The following SH3GL2 variants were observed in gnomAD, a reference collection of about 807,000 sequenced individuals.
SH3GL2 encodes the protein endophilin-A1.
SH3GL2 carries 24 observed loss-of-function variants against 46.0 expected under a neutral mutation model. The observed-to-expected ratio is 0.52, with a 90% CI of 0.38 to 0.73. The LOEUF (loss-of-function observed/expected upper bound fraction) is 0.73, where lower values mean the gene tolerates loss of function less well. Among genes scored for constraint, SH3GL2 ranks in the 30% least tolerant of loss-of-function variants. The pLI, the probability that SH3GL2 is intolerant of heterozygous loss-of-function variation, is 0.00. For synonymous variants in SH3GL2, 196 were observed against 147.1 expected (o/e 1.33, Z -2.40); for missense variants, 413 against 424.2 (o/e 0.97, Z 0.23).
At chr9:17,741,985 A>T (rs1822540551) in intron 1 of SH3GL2, among the ~76,000 whole-genome samples, 1 of 152,168 alleles carries the variant, frequency 6.6e-6, no homozygotes, top group South Asian at 2.1e-4. Flanking sequence ...TTTCAGGTAC[A>T]AAGCAAAGGG....
At chr9:17,716,589 T>C (rs1411243468) in intron 1 of SH3GL2, among the ~76,000 whole-genome samples, 3 of 152,162 alleles carry the variant, frequency 2.0e-5, no homozygotes, top group Non-Finnish European at 2.9e-5. Flanking sequence ...TTTGGATGGT[T>C]CTTTTCTCAG....
At chr9:17,615,629 C>T (rs1463674210) in intron 1 of SH3GL2, among the ~76,000 whole-genome samples, 121 of 134,058 alleles carry the variant, frequency 9.0e-4, no homozygotes, top group African/African-American at 3.2e-3. Context: ...CACTCCAGCC[C>T]GGGTGACCGA....
chr9:17,641,646 T>G (rs1457127328), intron 1 of SH3GL2, among the ~76,000 whole-genome samples: 2 of 152,170 alleles, frequency 1.3e-5, no homozygotes, highest in African/African-American at 4.8e-5. Context: ...TGTGTCCATG[T>G]GTTCTCATTG....
intron 1 of SH3GL2, among the ~76,000 whole-genome samples, chr9:17,666,205 T>G (rs1328681963): frequency 6.6e-6 from 1 of 151,900 alleles, no homozygotes; most frequent in African/African-American, 2.4e-5. Context: ...GATAGTTCCT[T>G]TTTTCCTCTC....
intron 1 of SH3GL2, among the ~76,000 whole-genome samples, chr9:17,608,600 C>T (rs1457647709): frequency 6.6e-6 from 1 of 152,172 alleles, no homozygotes; most frequent in East Asian, 1.9e-4. Flanking sequence ...TATTTTTAAG[C>T]TGCTTTGACA....
chr9:17,696,971 C>T (rs1248334396), intron 1 of SH3GL2, among the ~76,000 whole-genome samples: 5 of 151,962 alleles, frequency 3.3e-5, no homozygotes, highest in African/African-American at 1.2e-4. Context: ...GCCTCATTGC[C>T]TCTTAGAAAT....
intron 1 of SH3GL2, among the ~76,000 whole-genome samples, chr9:17,706,530 G>A (rs1234554126): frequency 2.6e-5 from 4 of 151,848 alleles, no homozygotes; most frequent in Non-Finnish European, 5.9e-5. Flanking sequence ...ATCTTTTCTT[G>A]CCATGGTAAA....
chr9:17,714,836 T>C (rs1821712190), intron 1 of SH3GL2, among the ~76,000 whole-genome samples: 1 of 151,900 alleles, frequency 6.6e-6, no homozygotes, highest in Non-Finnish European at 1.5e-5. Flanking sequence ...ATTTCTCATG[T>C]AGATCCAGAT....
At chr9:17,664,677 A>G (rs1820299479) in intron 1 of SH3GL2, among the ~76,000 whole-genome samples, 1 of 151,434 alleles carries the variant, frequency 6.6e-6, no homozygotes, top group East Asian at 1.9e-4. Flanking sequence ...TAATATATAG[A>G]AGTATATAGA....
intron 1 of SH3GL2, among the ~76,000 whole-genome samples, chr9:17,587,877 A>G (rs1242025781): frequency 6.6e-6 from 1 of 151,280 alleles, no homozygotes; most frequent in Non-Finnish European, 1.5e-5. Context: ...AGAGCAAGTC[A>G]CTGTCTCAAA....
At chr9:17,599,205 T>C (rs75080522) in intron 1 of SH3GL2, among the ~76,000 whole-genome samples, 1 of 152,196 alleles carries the variant, frequency 6.6e-6, no homozygotes, top group Non-Finnish European at 1.5e-5. Context: ...ATGGTTTCTT[T>C]TGAAATGGGG....
At chr9:17,634,819 A>G (rs1208906091) in intron 1 of SH3GL2, among the ~76,000 whole-genome samples, 1 of 152,172 alleles carries the variant, frequency 6.6e-6, no homozygotes, top group East Asian at 1.9e-4. Context: ...GAACCACACA[A>G]TACACACATG....
In SH3GL2 at chr9:17,617,371, C is replaced by G. The variant is rs138312140; in HGVS notation, c.45+38084C>G. Among the ~76,000 whole-genome samples, 676 of 152,242 alleles carry G rather than the reference C, an allele frequency of 4.4e-3. 1 individual carries two copies. The highest frequency in any genetic ancestry group is 6.0e-3 in the Non-Finnish European group (408 of 68,018). ...GGAATTAGATCTCTATCATTGTTTC[C>G]CAGTGCTCCTTGGAACCCTCCTCAG... On this transcript the variant is annotated intron_variant, in intron 1 of 8. Transcript: ENST00000380607.
rs528416460 is a variant in SH3GL2 at position 17,724,782 on chromosome 9, C to G, written c.46-22284C>G. The stretch of plus-strand genomic sequence containing the variant: ...TTATTTGAAGAATATTTTTCTCACT[C>G]TGTGTGGCCCCTGATGTCCCTGCTC... On this transcript the variant is annotated intron_variant, in intron 1 of 8. Transcript: ENST00000380607. Among the ~76,000 whole-genome samples, 11 of 152,282 alleles carry G rather than the reference C, an allele frequency of 7.2e-5. No individual in the cohort carries two copies. The South Asian group carries it at 2.1e-3, about 29-fold the overall frequency.
At chr9:17,666,953 A>G (rs1820360052) in intron 1 of SH3GL2, among the ~76,000 whole-genome samples, 1 of 152,130 alleles carries the variant, frequency 6.6e-6, no homozygotes, top group Non-Finnish European at 1.5e-5. Flanking sequence ...TGCTGATCTG[A>G]AACATGAGAA....
intron 1 of SH3GL2, among the ~76,000 whole-genome samples, chr9:17,631,397 C>A (rs1819418249): frequency 6.6e-6 from 1 of 152,204 alleles, no homozygotes; most frequent in Non-Finnish European, 1.5e-5. Context: ...ATTTGGTGAA[C>A]CTTGGCCATT....
chr9:17,627,348 C>T (rs1819306587), intron 1 of SH3GL2, among the ~76,000 whole-genome samples: 1 of 152,074 alleles, frequency 6.6e-6, no homozygotes, highest in African/African-American at 2.4e-5. Context: ...GGAATAATGG[C>T]AGAGCTCTCA....
chr9:17,739,455 A>G (rs973915508), intron 1 of SH3GL2, among the ~76,000 whole-genome samples: 9 of 152,076 alleles, frequency 5.9e-5, no homozygotes, highest in South Asian at 2.1e-4. Context: ...TGTAACTTCA[A>G]TGGCTTATTG....
At chr9:17,684,768 G>C (rs1820861672) in intron 1 of SH3GL2, among the ~76,000 whole-genome samples, 2 of 152,124 alleles carry the variant, frequency 1.3e-5, no homozygotes, top group East Asian at 3.9e-4. Flanking sequence ...CTTCTCATCA[G>C]AATTAGGTAA....
Sources: gnomAD v4.1 joint callset for allele counts (sites outside exome capture counted in the v4.1 genomes callset) on GRCh38, gnomAD v4.1.1 for gene constraint, MANE v1.5 for transcripts, NCBI Gene and HGNC (gene_info 2026-07-23, HGNC 2026-07-21) for gene names.